Variants in IRF6 observed in about 807,000 individuals in gnomAD.
IRF6 encodes the protein Van der Woude syndrome.
IRF6 carries 6 observed loss-of-function variants against 51.4 expected under a neutral mutation model. The observed-to-expected ratio is 0.12, with a 90% CI of 0.06 to 0.23. The LOEUF (loss-of-function observed/expected upper bound fraction) is 0.23. Among genes scored for constraint, IRF6 ranks in the 10% least tolerant of loss-of-function variants. IRF6 has a pLI of 1.00. For missense variants in IRF6, 348 were observed against 585.2 expected (o/e 0.59, Z 4.18); for synonymous variants, 178 against 215.7 (o/e 0.83, Z 1.53).
intron 3 of IRF6, among the ~76,000 whole-genome samples, chr1:209,800,626 G>C (rs1330317410): frequency 6.6e-6 from 1 of 152,130 alleles, no homozygotes; most frequent in Non-Finnish European, 1.5e-5. Context: ...AGGCGTGGTG[G>C]TGTGTGCTTA....
Position 209,805,333 on chromosome 1 carries a change from C to T in IRF6, c.-76+614G>A, listed in dbSNP as rs61820593. 7.5e-3 allele frequency among the ~76,000 whole-genome samples: 1,147 copies of T among 152,352 alleles called. 3 individuals are homozygous for T. Among genetic ancestry groups the T allele is most frequent in the Non-Finnish European group, 0.013 (855 of 68,034 alleles). Reference sequence around the variant, plus strand: ...GAGACTTTCCCCATTCTCCACACCACCCTCCAGCCCCTTCGGGCAAAGAGG... The same window carrying T: ...GAGACTTTCCCCATTCTCCACACCATCCTCCAGCCCCTTCGGGCAAAGAGG... On this transcript the variant is annotated intron_variant, in intron 1 of 8. Transcript: ENST00000367021.
intron 1 of IRF6, among the ~76,000 whole-genome samples, chr1:209,804,101 T>C (rs1167658694): frequency 6.6e-6 from 1 of 152,218 alleles, no homozygotes; most frequent in Non-Finnish European, 1.5e-5. Flanking sequence ...TATGTTTCAA[T>C]TTATAATTTA....
rs899004543 is a variant in IRF6, at chr1:209,795,154, T to C, written c.508+136A>G. Reference sequence around the variant, plus strand: ...GAGTTCCTCACCTCTGACTCCCACTTGCTAACAGTCCAGCAGTCTGGCTGC... The same window carrying C: ...GAGTTCCTCACCTCTGACTCCCACTCGCTAACAGTCCAGCAGTCTGGCTGC... On this transcript the variant is annotated intron_variant, in intron 5 of 8. Transcript: ENST00000367021. 5.8e-6 allele frequency: 6 copies of C among 1,040,922 alleles called. No individual in the cohort carries two copies. In the African/African-American group the frequency reaches 9.3e-5, roughly 16 times the overall value. The allele number at this position is 1,040,922 out of a possible 1,614,324, so 64.5% of individuals were successfully genotyped here.
chr1:209,804,145 AC>A (rs1290628002), intron 1 of IRF6, among the ~76,000 whole-genome samples: 1 of 152,230 alleles, frequency 6.6e-6, no homozygotes, highest in African/African-American at 2.4e-5. Context: ...TAACCTCAGG[AC>A]AATAAGACAT....
rs984713588 is a variant in IRF6, at chr1:209,798,655, A to C, written c.175-2103T>G. Among the ~76,000 whole-genome samples the C allele has an allele frequency of 2.0e-5, 3 of 152,280 alleles. No individual in the cohort carries two copies. In the South Asian group the frequency reaches 6.2e-4, roughly 32 times the overall value. ...GCCAGGCGCGGTGGCTCATGCCTGT[A>C]ATCCCAGCACTTTGGGAGGCTGAGG... On this transcript the variant is annotated intron_variant, in intron 3 of 8. Coordinates refer to ENST00000367021, the MANE Select transcript of IRF6 (RefSeq NM_006147.4).
In IRF6 at chr1:209,790,081, A is replaced by G. The variant is rs569144075; in HGVS notation, c.1061-296T>C. Among the ~76,000 whole-genome samples the G allele has an allele frequency of 6.6e-6, 1 of 152,374 alleles. No homozygotes were observed. The highest frequency in any genetic ancestry group is 2.1e-4 in the South Asian group (1 of 4,826). On this transcript the variant is annotated intron_variant, in intron 7 of 8. Transcript: ENST00000367021. This position sits in a 1 kb window ranked among gnomAD's most constrained non-coding sequence, Gnocchi z 4.8. ...TCAAACCACATTGTAAAAAATTGAC[A>G]TCACGGTGCTTTCCCTAAAACTGCC... is the stretch of plus-strand genomic sequence containing the variant.
chr1:209,796,433 A>G lies in IRF6; in HGVS notation c.294T>C (p.Asp98=), dbSNP rs755526968. 1.9e-6 allele frequency: 3 copies of G among 1,613,958 alleles called. No individual in the cohort carries two copies. The South Asian group carries it at 3.3e-5, about 18-fold the overall frequency. ...GGTTCATGGGCACCTCCTTGGTGCC[A>G]TCATACATCAGGTTGAATTCTCTGC... ...NKSREFNLMY[D]GTKEVPMNPV... is the part of the protein sequence containing the mutation. Residue 98 remains aspartate (D), a synonymous_variant, in exon 4 of 9, where the codon GAT becomes GAC. Transcript: ENST00000367021. The surrounding 1 kb of genome is among the most constrained non-coding windows in gnomAD (Gnocchi z 4.5).
At chr1:209,805,911 T>C (rs1037580067) in intron 1 of IRF6, 36 bp downstream of exon 1, 1 of 152,240 alleles carries the variant, frequency 6.6e-6, no homozygotes, top group Admixed American at 6.5e-5. Flanking sequence ...GAGCCTCTCC[T>C]CCCTCAAGCT....
intron 4 of IRF6, 112 bp from the exon 5 acceptor site, chr1:209,795,530 G>T: frequency 1.3e-6 from 2 of 1,493,112 alleles, no homozygotes; most frequent in Non-Finnish European, 1.8e-6. Context: ...CTCAGGTTCA[G>T]TACACACCCT....
intron 3 of IRF6, among the ~76,000 whole-genome samples, chr1:209,799,598 C>T (rs1011168643): frequency 8.5e-5 from 13 of 152,330 alleles, no homozygotes; most frequent in African/African-American, 3.1e-4. Flanking sequence ...CTCCCCACAG[C>T]CCAATTTTCC....
At position 209,788,272 on chromosome 1, in the gene IRF6, A is replaced by G. The variant is rs979132249; in HGVS notation, c.*148T>C. On this transcript the variant is annotated 3_prime_UTR_variant, in exon 9 of 9. Transcript: ENST00000367021. Reference sequence around the variant, plus strand: ...GGGTGATTTTTCCATAAATTAAATCAGCTTTAAATCTAGGCATATTTGGAG... The same window carrying G: ...GGGTGATTTTTCCATAAATTAAATCGGCTTTAAATCTAGGCATATTTGGAG... The G allele has an allele frequency of 1.6e-6, 1 of 640,090 alleles. No individual in the cohort carries two copies. Among genetic ancestry groups the G allele is most frequent in the Non-Finnish European group, 2.7e-6 (1 of 371,634 alleles). The allele number at this position is 640,090 out of a possible 1,614,324, so 39.7% of individuals were successfully genotyped here. A position where few individuals can be genotyped will look rare whatever the true frequency, so the allele number is the denominator to read the frequency against.
At chr1:209,797,262 C>T (rs553910539) in intron 3 of IRF6, among the ~76,000 whole-genome samples, 4 of 143,224 alleles carry the variant, frequency 2.8e-5, no homozygotes, top group African/African-American at 5.2e-5. Context: ...CCCAGCTACT[C>T]GGGAGGCTGA....
intron 4 of IRF6, 77 bp from the exon 5 acceptor site, chr1:209,795,495 C>G (rs1571982749): frequency 4.4e-6 from 7 of 1,601,058 alleles, no homozygotes; most frequent in Non-Finnish European, 5.9e-6. Flanking sequence ...ACCATTCAAG[C>G]TAGGGACTGC....
At chr1:209,797,284 C>T (rs1322539310) in intron 3 of IRF6, among the ~76,000 whole-genome samples, 2 of 140,162 alleles carry the variant, frequency 1.4e-5, no homozygotes, top group African/African-American at 5.3e-5. Flanking sequence ...GCAGGAGAAT[C>T]ACTTGAACCC....
intron 1 of IRF6, among the ~76,000 whole-genome samples, chr1:209,804,852 T>A (rs745389162): frequency 6.6e-6 from 1 of 152,166 alleles, no homozygotes; most frequent in Non-Finnish European, 1.5e-5. Context: ...GTGGTTTTGC[T>A]CAGGTTAAAA....
At chr1:209,792,164 G>C in intron 6 of IRF6, 105 bp downstream of exon 6, 2 of 1,243,502 alleles carry the variant, frequency 1.6e-6, no homozygotes, top group Non-Finnish European at 2.4e-6. Flanking sequence ...CTCTGAGACA[G>C]GTAGTTTTTC....
At chr1:209,792,485 G>C (rs2077875380) in intron 5 of IRF6, 58 bp from the exon 6 acceptor site, 1 of 1,577,406 alleles carries the variant, frequency 6.3e-7, no homozygotes, top group South Asian at 1.1e-5. Context: ...ATCACTTGCT[G>C]ATGCTCTGAG....
In IRF6 at chr1:209,796,227, T is replaced by C; in HGVS notation, c.379+121A>G. Reference sequence around the variant, plus strand: ...TTCTGGGTCCTTCCCAGAGAAAGGCTTTCTTGCTTTATCCATCTTAAACTG... The same window carrying C: ...TTCTGGGTCCTTCCCAGAGAAAGGCCTTCTTGCTTTATCCATCTTAAACTG... On this transcript the variant is annotated intron_variant, in intron 4 of 8. Coordinates refer to ENST00000367021, the MANE Select transcript of IRF6 (RefSeq NM_006147.4). This position sits in a 1 kb window ranked among gnomAD's most constrained non-coding sequence, Gnocchi z 4.5. The C allele has an allele frequency of 2.4e-6, 2 of 820,054 alleles. No homozygotes were observed. Among genetic ancestry groups the C allele is most frequent in the Non-Finnish European group, 3.9e-6 (2 of 515,898 alleles). The allele number at this position is 820,054 out of a possible 1,614,324, so 50.8% of individuals were successfully genotyped here.
At position 209,803,022 on chromosome 1, in the gene IRF6, C is replaced by T. The variant is rs112813097; in HGVS notation, c.-75-979G>A. On this transcript the variant is annotated intron_variant, in intron 1 of 8. Coordinates refer to ENST00000367021, the MANE Select transcript of IRF6 (RefSeq NM_006147.4). ...CCAAGTCCTGCAACTGAAACCTTCC[C>T]CCTGGGAGCATAGTGGGTAGGTCAG... Among the ~76,000 whole-genome samples, 195 of 152,302 alleles carry T rather than the reference C, an allele frequency of 1.3e-3. 1 individual carries two copies. The highest frequency in any genetic ancestry group is 4.3e-3 in the African/African-American group (177 of 41,552).
Sources: allele counts gnomAD v4.1 joint callset (sites outside exome capture counted in the v4.1 genomes callset), GRCh38; gene constraint gnomAD v4.1.1; non-coding constraint Gnocchi (gnomAD v3.1); transcripts MANE v1.5; gene names NCBI Gene and HGNC (gene_info 2026-07-23, HGNC 2026-07-21).